RELL1: variants seen among roughly 807,000 people sequenced by gnomAD.
RELL1 encodes RELT like 1, also known as RELT-like protein 1.
A neutral mutation model predicts 23.0 loss-of-function variants in RELL1; 10 were observed. That is an observed-to-expected ratio of 0.43 (90% CI 0.27 to 0.74). RELL1 has a LOEUF of 0.74. RELL1 is among the 30% of genes least tolerant of loss of function. RELL1 has a pLI of 0.19. For missense variants in RELL1, 315 were observed against 364.4 expected, an observed-to-expected ratio of 0.86 and a Z score of 1.10; for synonymous variants, 146 against 146.8, an observed-to-expected ratio of 0.99 and a Z score of 0.04.
chr4:37,633,905 G>A (rs1720226035), intron 5 of RELL1, among the ~76,000 whole-genome samples: 1 of 152,150 alleles, frequency 6.6e-6, no homozygotes, highest in South Asian at 2.1e-4. Flanking sequence ...ACGAGTTCAG[G>A]TTACTCTTCC....
chr4:37,587,282 C>G (rs1222738812), downstream of RELL1, among the ~76,000 whole-genome samples: 1 of 152,184 alleles, frequency 6.6e-6, no homozygotes, highest in Non-Finnish European at 1.5e-5. Context: ...AAATCCTACA[C>G]TTAATCACAT....
At chr4:37,605,305 T>C (rs549269893) in intron 6 of RELL1, among the ~76,000 whole-genome samples, 41 of 152,268 alleles carry the variant, frequency 2.7e-4, no homozygotes, top group African/African-American at 8.4e-4. Context: ...CATCCCAGCA[T>C]CAATGAGGAC....
chr4:37,651,891 G>A (rs369682950), intron 1 of RELL1, among the ~76,000 whole-genome samples: 4 of 152,208 alleles, frequency 2.6e-5, no homozygotes, highest in East Asian at 3.9e-4. Context: ...TCAGTGTGTC[G>A]TGTATCCTCA....
chr4:37,639,557 C>T (rs1720452935), intron 3 of RELL1, among the ~76,000 whole-genome samples: 1 of 151,962 alleles, frequency 6.6e-6, no homozygotes, highest in African/African-American at 2.4e-5. Flanking sequence ...CTTGAGTCCC[C>T]CAACCCACAC....
chr4:37,637,800 A>T (rs958132192), intron 4 of RELL1, among the ~76,000 whole-genome samples: 2 of 152,240 alleles, frequency 1.3e-5, no homozygotes, highest in Non-Finnish European at 2.9e-5. Context: ...ATTATGAAGG[A>T]ATATGCTGCT....
Position 37,686,314 on chromosome 4 carries a change from C to G in RELL1, c.-27G>C, listed in dbSNP as rs772779172. On this transcript the variant is annotated 5_prime_UTR_variant, in exon 1 of 7. Transcript: ENST00000454158. ...GCCGCGTCGCTTCGCCCTCCTCCCCCAGGGCGCCGCGTCCCGCGCTCGGGA... is the reference window on the plus strand; with the variant it reads ...GCCGCGTCGCTTCGCCCTCCTCCCCGAGGGCGCCGCGTCCCGCGCTCGGGA... The G allele has an allele frequency of 6.8e-7, 1 of 1,468,220 alleles. No homozygotes were observed. The highest frequency in any genetic ancestry group is 2.3e-5 in the Admixed American group (1 of 42,910). 90.9% of individuals were successfully genotyped at this position (1,468,220 alleles called of 1,614,324 possible).
intron 6 of RELL1, among the ~76,000 whole-genome samples, chr4:37,604,810 G>GACACGCACACAGACACAC (rs1719117501): frequency 1.4e-5 from 1 of 73,598 alleles, no homozygotes; most frequent in Non-Finnish European, 2.5e-5. Context: ...CACACACACA[G>GACACGCACACAGACACAC]ACACACACAC....
chr4:37,683,810 G>T (rs913299935), intron 1 of RELL1, among the ~76,000 whole-genome samples: 1 of 151,588 alleles, frequency 6.6e-6, no homozygotes, highest in African/African-American at 2.4e-5. Context: ...GGCCGGGCGC[G>T]GTGGCTCACG....
intron 3 of RELL1, among the ~76,000 whole-genome samples, chr4:37,643,205 T>G (rs562207411): frequency 6.6e-6 from 1 of 152,314 alleles, no homozygotes; most frequent in South Asian, 2.1e-4. Context: ...TTTGGAGAAC[T>G]GCAAAGTATG....
intron 1 of RELL1, among the ~76,000 whole-genome samples, chr4:37,685,358 C>T (rs1014068565): frequency 6.6e-6 from 1 of 151,900 alleles, no homozygotes; most frequent in Admixed American, 6.6e-5. Flanking sequence ...TTAACTGCAG[C>T]TGTTAGGTGG....
At position 37,621,502 on chromosome 4, in the gene RELL1, A is replaced by T. The variant is rs571609829; in HGVS notation, c.*4-8160T>A. Among the ~76,000 whole-genome samples the T allele has an allele frequency of 1.4e-4, 22 of 152,168 alleles. No individual in the cohort carries two copies. The East Asian group carries it at 4.2e-3, about 29-fold the overall frequency. The stretch of plus-strand genomic sequence containing the variant: ...AATAAGGAAAAAAATAAAGAAAAAT[A>T]AAAATCCTGATTATAACCATTAATT... On this transcript the variant is annotated intron_variant, in intron 6 of 6. Transcript: ENST00000454158.
chr4:37,615,235 C>A (rs1387265202), intron 6 of RELL1, among the ~76,000 whole-genome samples: 1 of 152,198 alleles, frequency 6.6e-6, no homozygotes, highest in African/African-American at 2.4e-5. Context: ...ATAAAAACTG[C>A]ACTATCTGTA....
Position 37,612,649 on chromosome 4 carries a change from A to C in RELL1, c.*697T>G, listed in dbSNP as rs1212904235. Among the ~76,000 whole-genome samples the C allele has an allele frequency of 6.6e-6, 1 of 151,780 alleles. No homozygotes were observed. The highest frequency in any genetic ancestry group is 1.5e-5 in the Non-Finnish European group (1 of 68,018). ...GAGACTCTGCCTCAAAAAAAAAAAA[A>C]AAAAAACCTTCTCAAAATGTGTAAG... On this transcript the variant is annotated 3_prime_UTR_variant, in exon 7 of 7. Transcript: ENST00000454158.
chr4:37,639,563 C>T (rs948717786), intron 3 of RELL1, among the ~76,000 whole-genome samples: 13 of 151,910 alleles, frequency 8.6e-5, no homozygotes, highest in Admixed American at 4.6e-4. Context: ...TCCCCCAACC[C>T]ACACCCACAT....
chr4:37,684,146 C>T (rs1722321681), intron 1 of RELL1, among the ~76,000 whole-genome samples: 1 of 152,160 alleles, frequency 6.6e-6, no homozygotes, highest in Non-Finnish European at 1.5e-5. Context: ...ACACAGCAGG[C>T]ACTCAACAGT....
chr4:37,668,000 T>C (rs543796407), intron 1 of RELL1, among the ~76,000 whole-genome samples: 10 of 152,166 alleles, frequency 6.6e-5, no homozygotes, highest in African/African-American at 2.2e-4. Flanking sequence ...CAAAGCAGTA[T>C]TTAGAGCTTA....
rs376227155 is a variant in RELL1, at chr4:37,633,317, G to A, written c.680+1570C>T. Among the ~76,000 whole-genome samples the A allele has an allele frequency of 3.0e-4, 45 of 149,402 alleles. 1 individual carries two copies. Among genetic ancestry groups the A allele is most frequent in the Admixed American group, 2.8e-3 (42 of 14,856 alleles). ...CCAGCTACTCGGGAGGCTGAGGCACGACAATCGTTTGAGCCCAGGAGGCAG... is the reference window on the plus strand; with the variant it reads ...CCAGCTACTCGGGAGGCTGAGGCACAACAATCGTTTGAGCCCAGGAGGCAG... On this transcript the variant is annotated intron_variant, in intron 5 of 6. Coordinates refer to ENST00000454158, the MANE Select transcript of RELL1 (RefSeq NM_001085400.2).
At chr4:37,617,022 T>C (rs1010362728) in intron 6 of RELL1, among the ~76,000 whole-genome samples, 1 of 152,256 alleles carries the variant, frequency 6.6e-6, no homozygotes, top group Non-Finnish European at 1.5e-5. Context: ...ATTTTATAAA[T>C]TAACACGGAT....
At chr4:37,627,140 TGCAACTTTC>T (rs1311645007) in intron 6 of RELL1, among the ~76,000 whole-genome samples, 1 of 152,222 alleles carries the variant, frequency 6.6e-6, no homozygotes, top group Non-Finnish European at 1.5e-5. Context: ...GATAAATATA[TGCAACTTTC>T]ATGTGTCCAT....
Sources: allele counts gnomAD v4.1 joint callset (sites outside exome capture counted in the v4.1 genomes callset), GRCh38; gene constraint gnomAD v4.1.1; transcripts MANE v1.5; gene names NCBI Gene and HGNC (gene_info 2026-07-23, HGNC 2026-07-21).